Variants in COL17A1 observed in about 807,000 individuals in gnomAD.
The protein encoded by COL17A1 is collagen alpha-1(XVII) chain.
In COL17A1, 181 loss-of-function variants were observed where a neutral mutation model predicts 218.4. The observed-to-expected ratio is 0.83, with a 90% CI of 0.73 to 0.94. The LOEUF is 0.94. COL17A1 is among the 40% of genes least tolerant of loss of function. COL17A1 has a pLI of 0.00. For synonymous variants in COL17A1, 721 were observed against 731.0 expected, an observed-to-expected ratio of 0.99 and a Z score of 0.22; for missense variants, 1,924 against 1,945.9, an observed-to-expected ratio of 0.99 and a Z score of 0.21.
chr10:104,055,882 G>T lies in COL17A1; in HGVS notation c.1587C>A (p.Pro529=). Residue 529 remains proline (P), a synonymous_variant, in exon 18 of 56, where the codon CCC becomes CCA. Coordinates refer to ENST00000648076, the MANE Select transcript of COL17A1 (RefSeq NM_000494.4). ...TTTTGTCCAGGTCTGCTCCCGCCGCGGGTGCCATGCCCTGGAGGCGGTCCT... is the reference window on the plus strand; with the variant it reads ...TTTTGTCCAGGTCTGCTCCCGCCGCTGGTGCCATGCCCTGGAGGCGGTCCT... ...IEKDRLQGMA[P]AAGADLDKIG... is the part of the protein sequence containing the mutation. 1 of 1,614,158 alleles carries T rather than the reference G, an allele frequency of 6.2e-7. No homozygotes were observed. The highest frequency in any genetic ancestry group is 1.6e-4 in the Middle Eastern group (1 of 6,062).
At chr10:104,044,251 G>C (rs1482695933) in intron 33 of COL17A1, among the ~76,000 whole-genome samples, 1 of 152,258 alleles carries the variant, frequency 6.6e-6, no homozygotes, top group South Asian at 2.1e-4. Flanking sequence ...CCGCCAGGTA[G>C]AGCGGGATTC....
At position 104,041,090 on chromosome 10, in the gene COL17A1, T is replaced by C. The variant is rs753745971; in HGVS notation, c.2676A>G (p.Pro892=). The change falls in exon 39 of 56, where the codon CCA becomes CCG. Residue 892 remains proline, a synonymous_variant. Transcript: ENST00000648076. ...CTGAGTTGGACAGGAACGATCCTGG[T>C]GGGCCTGGTGGGCCTGGCAAACCCT... The part of the protein sequence containing the change: ...PGEGLPGPPG[P]PGSFLSNSET... The C allele has an allele frequency of 1.2e-6, 2 of 1,614,054 alleles. No individual in the cohort carries two copies. Among genetic ancestry groups the C allele is most frequent in the Non-Finnish European group, 8.5e-7 (1 of 1,179,960 alleles).
intron 8 of COL17A1, 70 bp downstream of exon 8, chr10:104,071,940 GCACACACACACGCATGCACACA>G: frequency 6.4e-7 from 1 of 1,553,676 alleles, no homozygotes; most frequent in Non-Finnish European, 8.8e-7. Flanking sequence ...GTGCATGCAT[GCACACACACACGCATGCACACA>G]CACACACACA....
At chr10:104,053,769 A>G in intron 22 of COL17A1, 151 bp downstream of exon 22, 1 of 696,452 alleles carries the variant, frequency 1.4e-6, no homozygotes, top group Non-Finnish European at 2.6e-6. Flanking sequence ...CCCAAATCTC[A>G]GCTCCACAAC....
rs1196328459 is a variant in COL17A1, at chr10:104,050,904, G to C, written c.2039-3C>G. The stretch of plus-strand genomic sequence containing the variant: ...GAGCCCTTGGAGACCTACAGGACCT[G>C]CCCGGCAGAAGAAACCATGCACACA... On this transcript the variant is annotated splice_region_variant and splice_polypyrimidine_tract_variant and intron_variant, in intron 25 of 55. Coordinates refer to ENST00000648076, the MANE Select transcript of COL17A1 (RefSeq NM_000494.4). The C allele has an allele frequency of 6.2e-7, 1 of 1,614,020 alleles. No homozygotes were observed. The highest frequency in any genetic ancestry group is 1.3e-5 in the African/African-American group (1 of 74,916).
At position 104,031,570 on chromosome 10, in the gene COL17A1, A is replaced by G. The variant is rs1844682900; in HGVS notation, c.*665T>C. The G allele has an allele frequency of 6.5e-6, 1 of 152,816 alleles. No homozygotes were observed. The highest frequency in any genetic ancestry group is 2.1e-4 in the South Asian group (1 of 4,868). 9.5% of individuals were successfully genotyped at this position (152,816 alleles called of 1,614,324 possible). A position where few individuals can be genotyped will look rare whatever the true frequency, so the allele number is the denominator to read the frequency against. ...TTGCTCTGGCCTGGTTCAGTATAAC[A>G]TATCCATGAACTCTAGTATGGGCCT... On this transcript the variant is annotated 3_prime_UTR_variant, in exon 56 of 56. Transcript: ENST00000648076.
chr10:104,032,800 G>A (rs1225674563), intron 54 of COL17A1, 46 bp from the exon 55 acceptor site: 2 of 1,610,734 alleles, frequency 1.2e-6, no homozygotes, highest in Non-Finnish European at 1.7e-6. Flanking sequence ...TGAGTCTGGG[G>A]ACTGAGGGCA....
At position 104,052,928 on chromosome 10, in the gene COL17A1, G is replaced by A. The variant is rs777276910; in HGVS notation, c.1939+103C>T. 1.5e-4 allele frequency: 202 copies of A among 1,388,996 alleles called. 1 individual carries two copies. The Middle Eastern group carries it at 2.1e-3, about 15-fold the overall frequency. The allele number at this position is 1,388,996 out of a possible 1,614,324, so 86.0% of individuals were successfully genotyped here. ...CAGGGTGGGTGCTCAGTAAATGAAG[G>A]AAGGGGGGAGAAACAGAGACAGAGT... On this transcript the variant is annotated intron_variant, in intron 23 of 55. Coordinates refer to ENST00000648076, the MANE Select transcript of COL17A1 (RefSeq NM_000494.4).
At position 104,040,394 on chromosome 10, in the gene COL17A1, G is replaced by A; in HGVS notation, c.2718C>T (p.Gly906=). 6.2e-7 allele frequency: 1 copy of A among 1,610,442 alleles called. No individual in the cohort carries two copies. The highest frequency in any genetic ancestry group is 8.5e-7 in the Non-Finnish European group (1 of 1,176,768). Residue 906 remains glycine (G), a synonymous_variant, in exon 40 of 56, where the codon GGC becomes GGT. Transcript: ENST00000648076. ...FLSNSETFLS[G]PPGPPGPPGP... ...CTGGGGGGCCAGGTGGGCCTGGGGG[G>A]CCGGAGAGGAAGGTTTCTGCAGAGG...
chr10:104,067,801 T>C (rs1222608407), intron 9 of COL17A1, among the ~76,000 whole-genome samples: 1 of 136,156 alleles, frequency 7.3e-6, no homozygotes, highest in Non-Finnish European at 1.6e-5. Context: ...AGAAACTGAG[T>C]GTAAGGGAAA....
At chr10:104,062,539 A>C (rs1350516665) in intron 11 of COL17A1, among the ~76,000 whole-genome samples, 1 of 152,224 alleles carries the variant, frequency 6.6e-6, no homozygotes, top group Non-Finnish European at 1.5e-5. Context: ...TAACAGTTCT[A>C]CTTATTACGT....
Position 104,045,779 on chromosome 10 carries a change from G to A in COL17A1, c.2377C>T (p.Pro793Ser). The change falls in exon 33 of 56, where the codon CCT becomes TCT. Residue 793 changes from proline to serine, a missense_variant. By Grantham distance (74) the Pro-to-Ser change is moderately conservative (BLOSUM62 -1). Transcript: ENST00000648076. ...PQGPQGLPGT[P>S]GRPGIKGEPG... ...TTACCTTTTATTCCTGGTCGGCCAG[G>A]GGTACCGGGAAGTCCTGATGTGATT... is the stretch of plus-strand genomic sequence containing the variant. The A allele has an allele frequency of 6.2e-7, 1 of 1,612,854 alleles. No homozygotes were observed. Among genetic ancestry groups the A allele is most frequent in the Non-Finnish European group, 8.5e-7 (1 of 1,178,766 alleles).
intron 4 of COL17A1, 103 bp from the exon 5 acceptor site, chr10:104,076,532 C>T: frequency 6.5e-7 from 1 of 1,533,052 alleles, no homozygotes; most frequent in Non-Finnish European, 9.0e-7. Context: ...CAGGGAGGGT[C>T]TTCGGGAGGG....
chr10:104,065,444 G>A (rs932374180), intron 9 of COL17A1, among the ~76,000 whole-genome samples: 1 of 152,148 alleles, frequency 6.6e-6, no homozygotes, highest in African/African-American at 2.4e-5. Flanking sequence ...TGGAACAGCT[G>A]AACAATGCTC....
At chr10:104,036,205 AGT>A (rs2134572889) in intron 48 of COL17A1, among the ~76,000 whole-genome samples, 3 of 87,686 alleles carry the variant, frequency 3.4e-5, no homozygotes, top group Non-Finnish European at 7.2e-5. Flanking sequence ...TGTGTATGGG[AGT>A]GTGAGTATGG....
At chr10:104,043,716 CTG>C (rs2086383435) in intron 34 of COL17A1, 107 bp downstream of exon 34, 13 of 1,532,030 alleles carry the variant, frequency 8.5e-6, no homozygotes, top group Admixed American at 6.7e-5. Context: ...TCCCCCGCTA[CTG>C]ATCCAAAAAA....
At chr10:104,056,353 G>C (rs995178942) in intron 17 of COL17A1, among the ~76,000 whole-genome samples, 24 of 152,160 alleles carry the variant, frequency 1.6e-4, no homozygotes, top group Non-Finnish European at 3.1e-4. Context: ...GAGGCCAAGG[G>C]GGGCAGATCA....
chr10:104,036,682 GCAGCCATGATC>G (rs762936967), intron 47 of COL17A1, 50 bp from the exon 48 acceptor site: 1 of 1,604,456 alleles, frequency 6.2e-7, no homozygotes, highest in East Asian at 2.2e-5. Context: ...CATGGGGGTC[GCAGCCATGATC>G]CAGCCACAGC....
In COL17A1 at chr10:104,055,851, G is replaced by A; in HGVS notation, c.1618C>T (p.Leu540=). 6.2e-7 allele frequency: 1 copy of A among 1,614,194 alleles called. No homozygotes were observed. The highest frequency in any genetic ancestry group is 8.5e-7 in the Non-Finnish European group (1 of 1,180,030). Reference sequence around the variant, plus strand: ...AGCTCCTCCTGGCTGTCACTGTGCAGCCCAATTTTGTCCAGGTCTGCTCCC... The same window carrying A: ...AGCTCCTCCTGGCTGTCACTGTGCAACCCAATTTTGTCCAGGTCTGCTCCC... ...AAGADLDKIG[L]HSDSQEELWM... Residue 540 remains leucine (L), a synonymous_variant, in exon 18 of 56, where the codon CTG becomes TTG. Coordinates refer to ENST00000648076, the MANE Select transcript of COL17A1 (RefSeq NM_000494.4).
Sources: gnomAD v4.1 joint callset for allele counts (sites outside exome capture counted in the v4.1 genomes callset) on GRCh38, gnomAD v4.1.1 for gene constraint, MANE v1.5 for transcripts, NCBI Gene and HGNC (gene_info 2026-07-23, HGNC 2026-07-21) for gene names.